NRXN3: variants seen among roughly 807,000 people sequenced by gnomAD.
The protein encoded by NRXN3 is neurexin III.
In NRXN3, 32 loss-of-function variants were observed where a neutral mutation model predicts 137.6. The ratio of observed to expected loss-of-function variants is 0.23; its 90% CI spans 0.18 to 0.31. NRXN3 has a LOEUF of 0.31. NRXN3 is among the 10% of genes least tolerant of loss of function. The probability of loss-of-function intolerance (pLI) is 1.00; values close to 1 mark genes in which losing one functional copy is unlikely to be tolerated. For synonymous variants in NRXN3, 798 were observed against 784.5 expected, an observed-to-expected ratio of 1.02 and a Z score of -0.29; for missense variants, 1,574 against 2,062.5, an observed-to-expected ratio of 0.76 and a Z score of 4.59.
intron 4 of NRXN3, among the ~76,000 whole-genome samples, chr14:78,642,992 A>T (rs2097650379): frequency 6.6e-6 from 1 of 152,184 alleles, no homozygotes; most frequent in Non-Finnish European, 1.5e-5. Flanking sequence ...AGACATATGC[A>T]GGTAGATACA....
chr14:79,834,859 A>T (rs2099333411), intron 20 of NRXN3, among the ~76,000 whole-genome samples: 1 of 152,100 alleles, frequency 6.6e-6, no homozygotes, highest in Non-Finnish European at 1.5e-5. Context: ...AGTTTATTTC[A>T]AAAGCAAGAG....
chr14:78,881,955 G>T (rs965675541), intron 10 of NRXN3, among the ~76,000 whole-genome samples: 1 of 151,598 alleles, frequency 6.6e-6, no homozygotes, highest in Non-Finnish European at 1.5e-5. Flanking sequence ...CCAGGTCCAG[G>T]GCTCCCCTGC....
chr14:78,212,230 A>G (rs1309493257), intron 1 of NRXN3, among the ~76,000 whole-genome samples: 1 of 152,240 alleles, frequency 6.6e-6, no homozygotes, highest in Non-Finnish European at 1.5e-5. Flanking sequence ...CTTTGATTGC[A>G]TGTTGGTCAT....
chr14:79,748,438 T>C (rs2098986293), intron 19 of NRXN3, among the ~76,000 whole-genome samples: 1 of 151,980 alleles, frequency 6.6e-6, no homozygotes, highest in Non-Finnish European at 1.5e-5. Context: ...AGCAAAGAGA[T>C]AGAGATGTTC....
At chr14:79,031,320 A>G (rs1454911702) in intron 15 of NRXN3, among the ~76,000 whole-genome samples, 1 of 152,210 alleles carries the variant, frequency 6.6e-6, no homozygotes, top group Non-Finnish European at 1.5e-5. Flanking sequence ...AACTTAAATG[A>G]TTCATTATAA....
intron 4 of NRXN3, among the ~76,000 whole-genome samples, chr14:78,596,401 C>T (rs1000482161): frequency 6.6e-6 from 1 of 152,098 alleles, no homozygotes; most frequent in Non-Finnish European, 1.5e-5. Flanking sequence ...GTGGGAGGTG[C>T]TTGTTAACCC....
intron 2 of NRXN3, among the ~76,000 whole-genome samples, chr14:78,259,262 T>C (rs1319519156): frequency 6.6e-6 from 1 of 151,992 alleles, no homozygotes; most frequent in African/African-American, 2.4e-5. Context: ...TCTTAGAACA[T>C]CAGGTCCCAT....
chr14:79,544,862 T>G (rs1359738730), intron 16 of NRXN3, among the ~76,000 whole-genome samples: 1 of 152,198 alleles, frequency 6.6e-6, no homozygotes. Context: ...AATCTGTGTT[T>G]TAAACAAGCC....
chr14:78,387,268 T>C (rs1292538966), intron 4 of NRXN3, among the ~76,000 whole-genome samples: 1 of 152,222 alleles, frequency 6.6e-6, no homozygotes, highest in African/African-American at 2.4e-5. Flanking sequence ...ATAAAAAAAG[T>C]ACCAAAGTAT....
At chr14:78,854,799 C>T (rs187694474) in intron 10 of NRXN3, among the ~76,000 whole-genome samples, 28 of 152,158 alleles carry the variant, frequency 1.8e-4, no homozygotes, top group South Asian at 4.2e-4. Context: ...GGGCTGGGCA[C>T]GGTGGCTCAC....
At chr14:78,215,006 C>A (rs1029337953) in intron 1 of NRXN3, among the ~76,000 whole-genome samples, 4 of 152,158 alleles carry the variant, frequency 2.6e-5, no homozygotes, top group African/African-American at 9.7e-5. Context: ...TGGTCATGTG[C>A]ATTTTAAATG....
In NRXN3 at chr14:78,419,538, GT is replaced by G. The variant is rs573056619; in HGVS notation, c.757+121684del. On this transcript the variant is annotated intron_variant, in intron 4 of 20. Coordinates refer to ENST00000335750, the MANE Select transcript of NRXN3 (RefSeq NM_001330195.2). ...ACTTTTAAATTTTGGTTTAGGAAGT[GT>G]TTTTTATCCCATCCATCCAGATCTC... 7.2e-5 allele frequency among the ~76,000 whole-genome samples: 11 copies of G among 152,218 alleles called. No individual in the cohort carries two copies. The South Asian group carries it at 2.3e-3, about 32-fold the overall frequency.
chr14:78,401,048 C>A (rs1457379846), intron 4 of NRXN3, among the ~76,000 whole-genome samples: 2 of 152,172 alleles, frequency 1.3e-5, no homozygotes, highest in Non-Finnish European at 2.9e-5. Context: ...TGCCTTCTTG[C>A]TAATCCTCTG....
chr14:79,268,114 A>C (rs1467649366), intron 15 of NRXN3, among the ~76,000 whole-genome samples: 1 of 152,084 alleles, frequency 6.6e-6, no homozygotes, highest in Non-Finnish European at 1.5e-5. Flanking sequence ...TGAAGAATCG[A>C]CAGTGATTGA....
intron 4 of NRXN3, among the ~76,000 whole-genome samples, chr14:78,642,871 T>A (rs1409909010): frequency 6.6e-6 from 1 of 152,226 alleles, no homozygotes; most frequent in Non-Finnish European, 1.5e-5. Flanking sequence ...GGGCTATTTC[T>A]GCTAAAATCC....
intron 15 of NRXN3, among the ~76,000 whole-genome samples, chr14:79,181,324 C>A (rs1161470693): frequency 6.6e-6 from 1 of 151,918 alleles, no homozygotes; most frequent in Non-Finnish European, 1.5e-5. Flanking sequence ...CAGAGAGAAA[C>A]CTATGGTGGG....
intron 15 of NRXN3, among the ~76,000 whole-genome samples, chr14:79,441,366 C>CTTTTTTTTTTTTT (rs869170695): frequency 3.0e-5 from 2 of 67,250 alleles, no homozygotes; most frequent in East Asian, 8.4e-4. Flanking sequence ...AACAGAAAAT[C>CTTTTTTTTTTTTT]TTTTTTTTTT....
chr14:79,352,302 T>A (rs2093248450), intron 15 of NRXN3, among the ~76,000 whole-genome samples: 1 of 152,110 alleles, frequency 6.6e-6, no homozygotes, highest in African/African-American at 2.4e-5. Flanking sequence ...CATCTGGTTG[T>A]GTAGCTAAAT....
rs369529638 is a variant in NRXN3, at chr14:79,096,962, C to T, written c.3262+108821C>T. 1.2e-4 allele frequency among the ~76,000 whole-genome samples: 18 copies of T among 151,754 alleles called. 1 individual carries two copies. The highest frequency in any genetic ancestry group is 5.8e-4 in the East Asian group (3 of 5,160). On this transcript the variant is annotated intron_variant, in intron 15 of 20. Transcript: ENST00000335750. The stretch of plus-strand genomic sequence containing the variant: ...TGATATATAGTAATGAGAATCTCAG[C>T]CTTATGGCAGCCTTTATGCTTTCAG...
Sources: allele counts gnomAD v4.1 joint callset (sites outside exome capture counted in the v4.1 genomes callset), GRCh38; gene constraint gnomAD v4.1.1; transcripts MANE v1.5; gene names NCBI Gene and HGNC (gene_info 2026-07-23, HGNC 2026-07-21).